Variants in GNE observed in about 807,000 individuals in gnomAD.
The protein encoded by GNE is glucosamine (UDP-N-acetyl)-2-epimerase/N-acetylmannosamine kinase.
In GNE, 41 loss-of-function variants were observed where a neutral mutation model predicts 61.8. The ratio of observed to expected loss-of-function variants is 0.66; its 90% confidence interval spans 0.52 to 0.86. GNE has a LOEUF of 0.86. GNE is among the 40% of genes least tolerant of loss of function. The probability of loss-of-function intolerance (pLI) is 0.00; values close to 1 mark genes in which losing one functional copy is unlikely to be tolerated. For missense variants in GNE, 608 were observed against 909.1 expected (o/e 0.67, Z 4.26); for synonymous variants, 264 against 326.4 (o/e 0.81, Z 2.06).
chr9:36,230,660 C>CTT (rs879665160), intron 5 of GNE, among the ~76,000 whole-genome samples: 12 of 139,160 alleles, frequency 8.6e-5, no homozygotes, highest in African/African-American at 1.3e-4. Flanking sequence ...ATATCACTAT[C>CTT]TTTTTTTTTT....
chr9:36,232,304 A>C (rs1829193290), intron 5 of GNE, among the ~76,000 whole-genome samples: 3 of 151,444 alleles, frequency 2.0e-5, no homozygotes, highest in South Asian at 2.1e-4. Flanking sequence ...CAGCCCCCTT[A>C]CTGGTCTCCC....
At chr9:36,249,841 A>G (rs1209745059) in intron 1 of GNE, among the ~76,000 whole-genome samples, 1 of 151,636 alleles carries the variant, frequency 6.6e-6, no homozygotes, top group Non-Finnish European at 1.5e-5. Context: ...CTGAGATCGC[A>G]CCACCACACT....
Position 36,218,418 on chromosome 9 carries a change from C to G in GNE, c.1817-119G>C. 1 of 742,958 alleles carries G rather than the reference C, an allele frequency of 1.3e-6. No homozygotes were observed. The highest frequency in any genetic ancestry group is 2.4e-6 in the Non-Finnish European group (1 of 414,324). 46.0% of individuals were successfully genotyped at this position (742,958 alleles called of 1,614,324 possible). A position where few individuals can be genotyped will look rare whatever the true frequency, so the allele number is the denominator to read the frequency against. Reference sequence around the variant, plus strand: ...AGACGGTGTTTTCTTTTCACAATTGCAAAGCTTATCGTTCACAAACATCTC... The same window carrying G: ...AGACGGTGTTTTCTTTTCACAATTGGAAAGCTTATCGTTCACAAACATCTC... On this transcript the variant is annotated intron_variant, in intron 10 of 11. Coordinates refer to ENST00000642385, the MANE Select transcript of GNE (RefSeq NM_005476.7). This position sits in a 1 kb window ranked among gnomAD's most constrained non-coding sequence, Gnocchi z 4.1.
At chr9:36,265,940 A>AT (rs1258268715) in intron 1 of GNE, among the ~76,000 whole-genome samples, 2 of 151,518 alleles carry the variant, frequency 1.3e-5, no homozygotes, top group South Asian at 4.2e-4. Flanking sequence ...ATTTTATTTT[A>AT]TTTTTTTGAG....
At chr9:36,229,361 TTAAAA>T (rs1215242613) in intron 5 of GNE, among the ~76,000 whole-genome samples, 2 of 152,212 alleles carry the variant, frequency 1.3e-5, no homozygotes, top group Non-Finnish European at 2.9e-5. Context: ...TTTTTGTTTA[TTAAAA>T]TAAATAAGGT....
upstream of GNE, chr9:36,263,159 G>A (rs1290602611): frequency 6.7e-6 from 1 of 149,366 alleles, no homozygotes; most frequent in African/African-American, 2.5e-5. Flanking sequence ...CTATCTCAAG[G>A]TTCATCTCAG....
At position 36,236,537 on chromosome 9, in the gene GNE, C is replaced by A. The variant is rs551194414; in HGVS notation, c.769+295G>T. On this transcript the variant is annotated intron_variant, in intron 4 of 11. Transcript: ENST00000642385. Reference sequence around the variant, plus strand: ...AACTTCTAAGATTTATGTCTCTTGGCTTCTGCAGTTTCTTAACTGGTGGAA... The same window carrying A: ...AACTTCTAAGATTTATGTCTCTTGGATTCTGCAGTTTCTTAACTGGTGGAA... Among the ~76,000 whole-genome samples, 9 of 152,284 alleles carry A rather than the reference C, an allele frequency of 5.9e-5. No homozygotes were observed. The East Asian group carries it at 1.7e-3, about 29-fold the overall frequency.
chr9:36,251,595 A>G (rs985542366), intron 1 of GNE, among the ~76,000 whole-genome samples: 3 of 152,112 alleles, frequency 2.0e-5, no homozygotes, highest in African/African-American at 7.2e-5. Flanking sequence ...GACTTGGAAC[A>G]TGTTAAACTT....
At chr9:36,257,802 C>T (rs868518723) in intron 1 of GNE, among the ~76,000 whole-genome samples, 33 of 25,244 alleles carry the variant, frequency 1.3e-3, no homozygotes, top group African/African-American at 4.2e-3. Context: ...GACTCAGTCT[C>T]AAAAAAAAAA....
intron 1 of GNE, among the ~76,000 whole-genome samples, chr9:36,250,550 C>T (rs188356129): frequency 6.6e-6 from 1 of 152,200 alleles, no homozygotes; most frequent in East Asian, 1.9e-4. Context: ...CTGTCAATTC[C>T]ACCCCCTAAA....
In GNE at chr9:36,216,662, A is replaced by G. The variant is rs996694689; in HGVS notation, c.*703T>C. ...AAGGATTATTATTATTATTATTATT[A>G]TTATTATTATTTATTATTATTATTT... is the stretch of plus-strand genomic sequence containing the variant. On this transcript the variant is annotated 3_prime_UTR_variant, in exon 12 of 12. Transcript: ENST00000642385. The G allele has an allele frequency of 9.3e-6, 1 of 107,826 alleles. No homozygotes were observed. The highest frequency in any genetic ancestry group is 2.1e-5 in the Non-Finnish European group (1 of 48,668). 6.7% of individuals were successfully genotyped at this position (107,826 alleles called of 1,614,324 possible).
chr9:36,217,448 C>T lies in GNE; in HGVS notation c.2086G>A (p.Val696Met), dbSNP rs121908627. Residue 696 changes from valine (V) to methionine (M), a missense_variant, in exon 12 of 12, where the codon GTG (valine) becomes ATG (methionine). Val to Met is a conservative substitution (Grantham distance 21). Coordinates refer to ENST00000642385, the MANE Select transcript of GNE (RefSeq NM_005476.7). Reference sequence around the variant, plus strand: ...GGGTCAACCAAATCCGAAACCACCACATCCACGTCCTGCACGGAGGACAAG... The same window carrying T: ...GGGTCAACCAAATCCGAAACCACCATATCCACGTCCTGCACGGAGGACAAG... Reference protein sequence around the residue: ...QALSSVQDVDVVVSDLVDPAL... With the variant: ...QALSSVQDVDMVVSDLVDPAL... 1,203 of 1,614,208 alleles carry T rather than the reference C, an allele frequency of 7.5e-4. 12 individuals are homozygous for T. The South Asian group carries it at 0.012, about 17-fold the overall frequency.
intron 5 of GNE, 34 bp from the exon 6 acceptor site, chr9:36,229,142 G>A: frequency 8.8e-7 from 1 of 1,133,544 alleles, no homozygotes; most frequent in East Asian, 2.3e-5. Flanking sequence ...ACAAGGATTT[G>A]GAAGTGGGAA....
At chr9:36,252,787 T>A (rs935489041) in intron 1 of GNE, among the ~76,000 whole-genome samples, 14 of 151,082 alleles carry the variant, frequency 9.3e-5, no homozygotes, top group Admixed American at 8.7e-4. Flanking sequence ...AATAAGTCTT[T>A]TCATCTGTGT....
chr9:36,268,797 A>T (rs1325635905), intron 1 of GNE, among the ~76,000 whole-genome samples: 4 of 152,102 alleles, frequency 2.6e-5, no homozygotes, highest in Admixed American at 2.6e-4. Flanking sequence ...TAAGCTAAGG[A>T]AACAGCCAAG....
chr9:36,216,384 G>A lies in GNE; in HGVS notation c.*981C>T, dbSNP rs770218503. The stretch of plus-strand genomic sequence containing the variant: ...GGAGTCTCGCTCTGTCACCCAGGGT[G>A]GAGTGCAGTGGCATGATCTCGGCTC... On this transcript the variant is annotated 3_prime_UTR_variant, in exon 12 of 12. Coordinates refer to ENST00000642385, the MANE Select transcript of GNE (RefSeq NM_005476.7). 9.3e-6 allele frequency: 3 copies of A among 322,818 alleles called. No individual in the cohort carries two copies. Among genetic ancestry groups the A allele is most frequent in the South Asian group, 6.2e-5 (3 of 48,658 alleles). 20.0% of individuals were successfully genotyped at this position (322,818 alleles called of 1,614,324 possible). A position where few individuals can be genotyped will look rare whatever the true frequency, so the allele number is the denominator to read the frequency against.
intron 9 of GNE, among the ~76,000 whole-genome samples, chr9:36,221,487 C>T (rs1227375573): frequency 6.6e-6 from 1 of 151,770 alleles, no homozygotes; most frequent in African/African-American, 2.4e-5. Flanking sequence ...ATATATACAA[C>T]AAAAATAAAA....
chr9:36,236,930 G>A lies in GNE; in HGVS notation c.671C>T (p.Thr224Ile), dbSNP rs750253826. Residue 224 changes from threonine (T) to isoleucine (I), a missense_variant, in exon 4 of 12, where the codon ACT becomes ATT. By Grantham distance (89) the Thr-to-Ile change is moderately conservative. Coordinates refer to ENST00000642385, the MANE Select transcript of GNE (RefSeq NM_005476.7). ...CATTTTTATGGAATGCTTAATGTCA[G>A]TGGTCACAGGGTGCTGTAGTGCAAC... ...YIVALQHPVT[T>I]DIKHSIKMFE... is the part of the protein sequence containing the mutation. The A allele has an allele frequency of 4.3e-6, 7 of 1,611,428 alleles. No homozygotes were observed. Among genetic ancestry groups the A allele is most frequent in the Non-Finnish European group, 5.9e-6 (7 of 1,177,548 alleles).
intron 1 of GNE, among the ~76,000 whole-genome samples, chr9:36,267,363 CTTTG>C (rs1830841968): frequency 6.6e-6 from 1 of 152,156 alleles, no homozygotes; most frequent in Non-Finnish European, 1.5e-5. Context: ...AACATAATGA[CTTTG>C]TTTTTGTGAA....
Sources: allele counts gnomAD v4.1 joint callset (sites outside exome capture counted in the v4.1 genomes callset), GRCh38; gene constraint gnomAD v4.1.1; non-coding constraint Gnocchi (gnomAD v3.1); transcripts MANE v1.5; gene names NCBI Gene and HGNC (gene_info 2026-07-23, HGNC 2026-07-21).